EYS: variants seen among roughly 807,000 people sequenced by gnomAD.
EYS encodes the protein protein eyes shut homolog.
EYS carries 250 observed loss-of-function variants against 282.1 expected under a neutral mutation model. The ratio of observed to expected loss-of-function variants is 0.89; its 90% CI spans 0.80 to 0.98. The LOEUF is 0.98. EYS is among the 50% of genes least tolerant of loss of function. The pLI is 0.00. For missense variants in EYS, 4,016 were observed against 3,709.0 expected (o/e 1.08, Z -2.15); for synonymous variants, 1,355 against 1,282.9 (o/e 1.06, Z -1.20).
intron 12 of EYS, among the ~76,000 whole-genome samples, chr6:65,229,676 CTG>C (rs1026766672): frequency 6.6e-6 from 1 of 151,792 alleles, no homozygotes; most frequent in African/African-American, 2.4e-5. Flanking sequence ...CTTTCTAAGA[CTG>C]GAGCTGGGTG....
chr6:64,400,910 C>A lies in EYS; in HGVS notation c.5928-12070G>T, dbSNP rs1582705146. On this transcript the variant is annotated intron_variant, in intron 28 of 42. Transcript: ENST00000503581. ...ATTTGGACTGACATAACGGTAATCA[C>A]TAACTACTCTCCACTAAATAGAGTA... is the stretch of plus-strand genomic sequence containing the variant. Among the ~76,000 whole-genome samples the A allele has an allele frequency of 2.0e-5, 3 of 152,020 alleles. No individual in the cohort carries two copies. The South Asian group carries it at 6.2e-4, about 31-fold the overall frequency.
chr6:64,023,066 C>A (rs549192312), intron 33 of EYS, among the ~76,000 whole-genome samples: 1 of 152,306 alleles, frequency 6.6e-6, no homozygotes, highest in East Asian at 1.9e-4. Flanking sequence ...TATGAATTTG[C>A]CCATTCCATA....
At chr6:64,511,046 G>T (rs1356963125) in intron 26 of EYS, among the ~76,000 whole-genome samples, 2 of 151,848 alleles carry the variant, frequency 1.3e-5, no homozygotes, top group Non-Finnish European at 2.9e-5. Flanking sequence ...AAAGATGGGA[G>T]AAATTGGTGG....
intron 22 of EYS, among the ~76,000 whole-genome samples, chr6:64,699,888 C>G (rs1232117875): frequency 6.6e-6 from 1 of 151,886 alleles, no homozygotes; most frequent in East Asian, 1.9e-4. Context: ...GGACACAACA[C>G]TAACAAACAA....
chr6:65,268,913 A>G (rs1767828600), intron 12 of EYS, among the ~76,000 whole-genome samples: 2 of 152,096 alleles, frequency 1.3e-5, no homozygotes, highest in South Asian at 4.1e-4. Context: ...TCAAAAATGC[A>G]GTCAAATCAG....
At chr6:64,722,610 C>T (rs887674904) in intron 22 of EYS, among the ~76,000 whole-genome samples, 2 of 151,428 alleles carry the variant, frequency 1.3e-5, no homozygotes, top group Non-Finnish European at 2.9e-5. Context: ...TTATACTTTA[C>T]ATAAATATAC....
At chr6:64,487,325 TATAG>T (rs1402664540) in intron 26 of EYS, among the ~76,000 whole-genome samples, 1 of 151,060 alleles carries the variant, frequency 6.6e-6, no homozygotes, top group Non-Finnish European at 1.5e-5. Flanking sequence ...CCTGAAATCA[TATAG>T]AGAGAGCAAA....
At position 64,439,150 on chromosome 6, in the gene EYS, T is replaced by A. The variant is rs988678775; in HGVS notation, c.5835+12A>T. On this transcript the variant is annotated intron_variant, in intron 27 of 42. Transcript: ENST00000503581. ...GTAATTTTTAAAAAATTAAATGAAC[T>A]GAATAACTTACCTTTAAAGTACCAT... 3.0e-6 allele frequency: 4 copies of A among 1,349,284 alleles called. No individual in the cohort carries two copies. The highest frequency in any genetic ancestry group is 3.3e-5 in the Admixed American group (1 of 30,014). The allele number at this position is 1,349,284 out of a possible 1,614,324, so 83.6% of individuals were successfully genotyped here.
intron 30 of EYS, among the ~76,000 whole-genome samples, chr6:64,253,478 C>T (rs1193475349): frequency 6.6e-6 from 1 of 152,192 alleles, no homozygotes; most frequent in Non-Finnish European, 1.5e-5. Flanking sequence ...AACACTTGCA[C>T]AATTTTACAC....
chr6:64,448,609 T>G (rs948471965), intron 26 of EYS, among the ~76,000 whole-genome samples: 18 of 152,216 alleles, frequency 1.2e-4, no homozygotes, highest in African/African-American at 1.9e-4. Flanking sequence ...CACCCCCCAG[T>G]AGGGGCGGAC....
intron 35 of EYS, among the ~76,000 whole-genome samples, chr6:63,940,879 T>C (rs1360041561): frequency 6.4e-5 from 8 of 124,364 alleles, no homozygotes; most frequent in African/African-American, 1.9e-4. Context: ...TTCCCCACCC[T>C]GTGTCCAAGT....
intron 2 of EYS, among the ~76,000 whole-genome samples, chr6:65,503,220 T>C (rs1362590174): frequency 6.6e-6 from 1 of 151,704 alleles, no homozygotes. Flanking sequence ...TAATGACAAA[T>C]GATGTTGAAC....
chr6:64,188,416 G>T (rs1001146594), intron 31 of EYS, among the ~76,000 whole-genome samples: 11 of 152,238 alleles, frequency 7.2e-5, no homozygotes, highest in African/African-American at 2.6e-4. Context: ...AAATACAAGT[G>T]TGAATTTCAG....
chr6:64,493,440 T>C (rs965083790), intron 26 of EYS, among the ~76,000 whole-genome samples: 1 of 151,536 alleles, frequency 6.6e-6, no homozygotes, highest in African/African-American at 2.4e-5. Flanking sequence ...CACTTTATGA[T>C]AGAAATGTAG....
intron 31 of EYS, among the ~76,000 whole-genome samples, chr6:64,202,151 C>T (rs771155528): frequency 2.4e-4 from 36 of 152,298 alleles, no homozygotes; most frequent in Admixed American, 6.5e-4. Context: ...TAGGAGTCTT[C>T]GCAGACTGCT....
chr6:64,023,787 G>A (rs1043547198), intron 33 of EYS, among the ~76,000 whole-genome samples: 1 of 152,228 alleles, frequency 6.6e-6, no homozygotes, highest in South Asian at 2.1e-4. Flanking sequence ...GGACAGGCGC[G>A]GGTGGGAACT....
intron 13 of EYS, among the ~76,000 whole-genome samples, chr6:65,055,263 G>T (rs1047625496): frequency 3.3e-5 from 5 of 152,082 alleles, no homozygotes; most frequent in Admixed American, 1.3e-4. Context: ...GGCTACAGGT[G>T]TGAGCCACTA....
At chr6:65,372,320 C>T (rs532712038) in intron 8 of EYS, among the ~76,000 whole-genome samples, 1 of 151,892 alleles carries the variant, frequency 6.6e-6, no homozygotes, top group African/African-American at 2.4e-5. Flanking sequence ...AGACACAAAC[C>T]AGAAAGTGCA....
At chr6:64,208,936 A>G (rs901294885) in intron 31 of EYS, among the ~76,000 whole-genome samples, 3 of 152,148 alleles carry the variant, frequency 2.0e-5, no homozygotes, top group African/African-American at 7.2e-5. Context: ...TGATTAATAG[A>G]TACTAATGTT....
Sources: allele counts gnomAD v4.1 joint callset (sites outside exome capture counted in the v4.1 genomes callset), GRCh38; gene constraint gnomAD v4.1.1; transcripts MANE v1.5; gene names NCBI Gene and HGNC (gene_info 2026-07-23, HGNC 2026-07-21).